Variants in CTNNA1 observed in about 807,000 individuals in gnomAD.
CTNNA1 encodes the protein catenin alpha 1, also known as catenin alpha-1.
Under a neutral mutation model 98.4 loss-of-function variants are expected in CTNNA1, and 37 were observed. The observed-to-expected ratio is 0.38, with a 90% CI of 0.29 to 0.49. The LOEUF (loss-of-function observed/expected upper bound fraction) is 0.49, where lower values mean the gene tolerates loss of function less well. CTNNA1 is among the 20% of genes least tolerant of loss of function. CTNNA1 has a pLI of 0.95. For synonymous variants in CTNNA1, 404 were observed against 413.2 expected, an observed-to-expected ratio of 0.98 and a Z score of 0.27; for missense variants, 761 against 1,147.2, an observed-to-expected ratio of 0.66 and a Z score of 4.86.
intron 1 of CTNNA1, among the ~76,000 whole-genome samples, chr5:138,772,835 GAA>G (rs1561508158): frequency 7.0e-6 from 1 of 142,120 alleles, no homozygotes; most frequent in Non-Finnish European, 1.5e-5. Flanking sequence ...ATAGATAGAT[GAA>G]AAGAGCACCA....
chr5:138,815,221 G>GT lies in CTNNA1; in HGVS notation c.588+2928dup, dbSNP rs143597096. Among the ~76,000 whole-genome samples, 1,277 of 150,490 alleles carry GT rather than the reference G, an allele frequency of 8.5e-3. 8 individuals are homozygous for GT. Among genetic ancestry groups the GT allele is most frequent in the Non-Finnish European group, 0.013 (848 of 67,586 alleles). Reference sequence around the variant, plus strand: ...AATCCCTTATGTATTTTTTTCATGTGTTTTTTTTTGAAAGTAGTAGCAAAT... The same window carrying GT: ...AATCCCTTATGTATTTTTTTCATGTGTTTTTTTTTTGAAAGTAGTAGCAAAT... On this transcript the variant is annotated intron_variant, in intron 5 of 17. Transcript: ENST00000302763.
At chr5:138,755,582 G>A (rs377168212) in intron 1 of CTNNA1, among the ~76,000 whole-genome samples, 1 of 152,276 alleles carries the variant, frequency 6.6e-6, no homozygotes, top group East Asian at 1.9e-4. Flanking sequence ...GTGACTTAGA[G>A]ATGAGAGGTA....
chr5:138,755,515 C>T (rs1751536263), intron 1 of CTNNA1, among the ~76,000 whole-genome samples: 1 of 152,174 alleles, frequency 6.6e-6, no homozygotes, highest in Non-Finnish European at 1.5e-5. Flanking sequence ...TCTTTGTCCT[C>T]CACACCACTG....
chr5:138,826,436 A>G (rs1760727966), intron 6 of CTNNA1, among the ~76,000 whole-genome samples: 1 of 152,218 alleles, frequency 6.6e-6, no homozygotes. Flanking sequence ...TGCTGTCTTG[A>G]GGATGCCGAT....
chr5:138,907,263 G>T (rs1759472804), intron 10 of CTNNA1, among the ~76,000 whole-genome samples: 1 of 152,174 alleles, frequency 6.6e-6, no homozygotes, highest in African/African-American at 2.4e-5. Context: ...CTCAAGTGAT[G>T]CCTGCTTTGG....
At chr5:138,881,445 G>C (rs1007282788) in intron 7 of CTNNA1, among the ~76,000 whole-genome samples, 13 of 152,322 alleles carry the variant, frequency 8.5e-5, no homozygotes, top group Middle Eastern at 3.4e-3. Flanking sequence ...GTATGACACT[G>C]TGTTGCCCAG....
At chr5:138,829,074 G>A (rs1454369405) in intron 7 of CTNNA1, among the ~76,000 whole-genome samples, 1 of 152,016 alleles carries the variant, frequency 6.6e-6, no homozygotes, top group Non-Finnish European at 1.5e-5. Flanking sequence ...GTGAACCATG[G>A]TCGCGCCACT....
chr5:138,905,338 T>A (rs1454958923), intron 10 of CTNNA1, among the ~76,000 whole-genome samples: 2 of 152,114 alleles, frequency 1.3e-5, no homozygotes, highest in Non-Finnish European at 2.9e-5. Flanking sequence ...AAATACAGGG[T>A]GGCAGTGACC....
chr5:138,932,447 T>C (rs1343627123), intron 16 of CTNNA1, 131 bp from the exon 17 acceptor site: 1 of 1,465,852 alleles, frequency 6.8e-7, no homozygotes, highest in African/African-American at 1.4e-5. Context: ...CTCAGGTAAT[T>C]GGGTGATTTT....
intron 7 of CTNNA1, among the ~76,000 whole-genome samples, chr5:138,841,723 G>T (rs150874356): frequency 8.8e-4 from 134 of 152,288 alleles, no homozygotes; most frequent in African/African-American, 3.2e-3. Context: ...ATAACATCTG[G>T]TCAGTAAATA....
At chr5:138,816,254 G>A (rs906854061) in intron 5 of CTNNA1, among the ~76,000 whole-genome samples, 2 of 152,132 alleles carry the variant, frequency 1.3e-5, no homozygotes, top group African/African-American at 4.8e-5. Flanking sequence ...GTATTCCATT[G>A]TGAATATATG....
intron 1 of CTNNA1, among the ~76,000 whole-genome samples, chr5:138,770,100 G>T (rs1306903245): frequency 6.6e-6 from 1 of 152,168 alleles, no homozygotes; most frequent in East Asian, 1.9e-4. Flanking sequence ...TTCCCAAAGT[G>T]CTGGGATTAC....
chr5:138,779,499 A>G (rs1258355869), intron 1 of CTNNA1, among the ~76,000 whole-genome samples: 4 of 151,950 alleles, frequency 2.6e-5, no homozygotes, highest in African/African-American at 7.3e-5. Context: ...CAGACCTGGA[A>G]CTTTGGTTTC....
intron 10 of CTNNA1, among the ~76,000 whole-genome samples, chr5:138,907,732 T>A (rs1458642970): frequency 6.6e-6 from 1 of 152,228 alleles, no homozygotes; most frequent in Non-Finnish European, 1.5e-5. Context: ...CATTTATTAT[T>A]TTAAAGTGTG....
chr5:138,871,274 A>G (rs977884436), intron 7 of CTNNA1: 1 of 152,236 alleles, frequency 6.6e-6, no homozygotes, highest in African/African-American at 2.4e-5. Context: ...TCTTTTTTCT[A>G]CATACAGTAA....
chr5:138,770,672 G>C lies in CTNNA1; in HGVS notation c.-2-11251G>C, dbSNP rs369822101. On this transcript the variant is annotated intron_variant, in intron 1 of 17. Coordinates refer to ENST00000302763, the MANE Select transcript of CTNNA1 (RefSeq NM_001903.5). ...GATGTTGTCAAGACAGAAAGACCTC[G>C]CCGGGCGCGGTGGCTCATGCCTTTA... Among the ~76,000 whole-genome samples, 442 of 152,128 alleles carry C rather than the reference G, an allele frequency of 2.9e-3. 1 individual carries two copies. The highest frequency in any genetic ancestry group is 0.01 in the African/African-American group (419 of 41,494).
chr5:138,811,931 G>A (rs1460208177), intron 4 of CTNNA1: 6 of 339,596 alleles, frequency 1.8e-5, no homozygotes, highest in African/African-American at 8.8e-5. Context: ...GAGGGAGACC[G>A]TGGGGAGAGG....
intron 1 of CTNNA1, among the ~76,000 whole-genome samples, chr5:138,757,304 T>G (rs1053754419): frequency 6.6e-6 from 1 of 152,110 alleles, no homozygotes; most frequent in African/African-American, 2.4e-5. Flanking sequence ...GCTATTGTTA[T>G]GGGTACAGAG....
intron 7 of CTNNA1, among the ~76,000 whole-genome samples, chr5:138,878,627 A>G (rs1168689227): frequency 6.6e-6 from 1 of 152,180 alleles, no homozygotes; most frequent in Non-Finnish European, 1.5e-5. Context: ...AGTTGTCTGC[A>G]TTCCTCCACA....
Sources: gnomAD v4.1 joint callset for allele counts (sites outside exome capture counted in the v4.1 genomes callset) on GRCh38, gnomAD v4.1.1 for gene constraint, MANE v1.5 for transcripts, NCBI Gene and HGNC (gene_info 2026-07-23, HGNC 2026-07-21) for gene names.